NYX: variants seen among roughly 807,000 people sequenced by gnomAD.
NYX encodes the protein nyctalopin.
For synonymous variants in NYX, 258 were observed against 245.7 expected (o/e 1.05, Z -0.47); for missense variants, 481 against 485.4 (o/e 0.99, Z 0.09).
chrX:41,452,662 C>T (rs753905130), intron 2 of NYX, among the ~76,000 whole-genome samples: 12 of 111,347 alleles, frequency 1.1e-4, no homozygotes, highest in Non-Finnish European at 2.1e-4. Context: ...TGGGGCCTTG[C>T]GTTCTTCTCC....
intron 2 of NYX, among the ~76,000 whole-genome samples, chrX:41,469,934 G>C (rs2064353140): frequency 9.0e-6 from 1 of 111,032 alleles, no homozygotes; most frequent in African/African-American, 3.3e-5. Flanking sequence ...TGCTCAAAAT[G>C]AAAGTAATTT....
intron 2 of NYX, among the ~76,000 whole-genome samples, chrX:41,458,307 G>A (rs752510698): frequency 4.5e-5 from 5 of 111,974 alleles, no homozygotes; most frequent in African/African-American, 6.5e-5. Context: ...GGTGTGTGGG[G>A]TGGGAGATAG....
At chrX:41,459,748 ATTC>A (rs2064311420) in intron 2 of NYX, among the ~76,000 whole-genome samples, 2 of 111,537 alleles carry the variant, frequency 1.8e-5, no homozygotes, top group Admixed American at 1.9e-4. Flanking sequence ...GCTGAGTAGT[ATTC>A]TACTGTACAA....
At chrX:41,468,807 T>C (rs924415820) in intron 2 of NYX, among the ~76,000 whole-genome samples, 19 of 111,352 alleles carry the variant, frequency 1.7e-4, no homozygotes, top group Non-Finnish European at 3.8e-5. Flanking sequence ...ATACTTGACC[T>C]AGTTGGAAGG....
At chrX:41,460,719 CAT>C (rs1264956861) in intron 2 of NYX, among the ~76,000 whole-genome samples, 3 of 108,622 alleles carry the variant, frequency 2.8e-5, no homozygotes, top group South Asian at 3.9e-4. Context: ...AGATAATGAA[CAT>C]ATCCATCACC....
In NYX at chrX:41,474,260, G is replaced by A. The variant is rs2064378413; in HGVS notation, c.792G>A (p.Val264=). 3 of 1,204,283 alleles carry A rather than the reference G, an allele frequency of 2.5e-6. No individual in the cohort carries two copies. The highest frequency in any genetic ancestry group is 2.2e-6 in the Non-Finnish European group (2 of 895,003). ...LNLGGNALDR[V]ARAWFADLAE... ...TGGGTGGCAACGCGCTGGACCGCGT[G>A]GCGCGCGCCTGGTTCGCTGACCTGG... The change falls in exon 3 of 3, where the codon GTG becomes GTA. Residue 264 remains valine, a synonymous_variant. Coordinates refer to ENST00000378220, the MANE Select transcript of NYX (RefSeq NM_001378477.3).
In NYX at chrX:41,473,518, G is replaced by T; in HGVS notation, c.50G>T (p.Trp17Leu). 1 of 991,161 alleles carries T rather than the reference G, an allele frequency of 1.0e-6. No homozygotes were observed. The highest frequency in any genetic ancestry group is 1.3e-6 in the Non-Finnish European group (1 of 785,406). 81.7% of individuals were successfully genotyped at this position (991,161 alleles called of 1,213,427 possible). ...GTGGTCCTCGGCCTGCCCAGCGCCT[G>T]GGCCGTGGGGGCCTGCGCCCGCGCT... is the stretch of plus-strand genomic sequence containing the variant. Reference protein sequence around the residue: ...HAVVLGLPSAWAVGACARACP... With the variant: ...HAVVLGLPSALAVGACARACP... Residue 17 changes from tryptophan (W) to leucine (L), a missense_variant, in exon 3 of 3, where the codon TGG (tryptophan) becomes TTG (leucine). Trp to Leu is a moderately conservative substitution (Grantham distance 61). Transcript: ENST00000378220.
chrX:41,453,719 G>A (rs959012005), intron 2 of NYX, among the ~76,000 whole-genome samples: 1 of 112,500 alleles, frequency 8.9e-6, no homozygotes, highest in Non-Finnish European at 1.9e-5. Context: ...GCCTCTCAAA[G>A]TGTTGGGATT....
intron 2 of NYX, among the ~76,000 whole-genome samples, chrX:41,452,245 G>A (rs1256201484): frequency 1.8e-5 from 2 of 111,744 alleles, no homozygotes; most frequent in Admixed American, 1.9e-4. Flanking sequence ...AGTGCTGGGT[G>A]CCCAGCCAGA....
At chrX:41,472,339 T>C (rs2064364354) in intron 2 of NYX, 18 of 1,146,904 alleles carry the variant, frequency 1.6e-5, no homozygotes, top group Non-Finnish European at 2.1e-5. Context: ...TCTGTAGCTG[T>C]GACACATAGA....
intron 2 of NYX, among the ~76,000 whole-genome samples, chrX:41,469,197 G>A (rs1031921380): frequency 9.0e-6 from 1 of 111,358 alleles, no homozygotes; most frequent in Non-Finnish European, 1.9e-5. Context: ...AGCTACAGAG[G>A]TGGCAGCAAG....
Position 41,474,339 on chromosome X carries a change from G to A in NYX, c.871G>A (p.Gly291Ser), listed in dbSNP as rs2064379362. The A allele has an allele frequency of 4.1e-6, 5 of 1,207,423 alleles. No homozygotes were observed. Among genetic ancestry groups the A allele is most frequent in the Non-Finnish European group, 5.6e-6 (5 of 895,231 alleles). Reference sequence around the variant, plus strand: ...CAACAGCATCGCCTTCGTGGAGGAGGGCGCCTTCCAGAACCTCTCGGGTCT... The same window carrying A: ...CAACAGCATCGCCTTCGTGGAGGAGAGCGCCTTCCAGAACCTCTCGGGTCT... ...DRNSIAFVEEGAFQNLSGLLA... is the reference protein window; with the variant it reads ...DRNSIAFVEESAFQNLSGLLA... The change falls in exon 3 of 3, where the codon GGC (glycine) becomes AGC (serine). Residue 291 changes from glycine to serine, a missense_variant. Coordinates refer to ENST00000378220, the MANE Select transcript of NYX (RefSeq NM_001378477.3).
intron 2 of NYX, among the ~76,000 whole-genome samples, chrX:41,449,323 A>G (rs981107929): frequency 8.9e-6 from 1 of 111,894 alleles, no homozygotes; most frequent in Admixed American, 9.6e-5. Flanking sequence ...TGCTCTGTTC[A>G]GTCAACCAAC....
intron 2 of NYX, among the ~76,000 whole-genome samples, chrX:41,463,175 A>T (rs944168886): frequency 1.8e-5 from 2 of 111,298 alleles, no homozygotes; most frequent in Non-Finnish European, 3.8e-5. Flanking sequence ...AGGTGTTGAG[A>T]TTCTTTTTAC....
At chrX:41,471,313 T>C (rs1403530328) in intron 2 of NYX, among the ~76,000 whole-genome samples, 1 of 111,687 alleles carries the variant, frequency 9.0e-6, no homozygotes, top group Non-Finnish European at 1.9e-5. Flanking sequence ...GGTTTCACCA[T>C]GTTGGCCAGG....
chrX:41,456,099 A>G (rs2064297857), intron 2 of NYX, among the ~76,000 whole-genome samples: 1 of 111,567 alleles, frequency 9.0e-6, no homozygotes, highest in African/African-American at 3.3e-5. Flanking sequence ...GCACTTTGGG[A>G]GGCTGAGGAG....
intron 2 of NYX, among the ~76,000 whole-genome samples, chrX:41,450,463 G>C (rs914561386): frequency 3.6e-5 from 4 of 109,865 alleles, no homozygotes; most frequent in Non-Finnish European, 7.6e-5. Context: ...TAGTGATGGG[G>C]TTTCACCATG....
chrX:41,463,271 G>A (rs373960524), intron 2 of NYX, among the ~76,000 whole-genome samples: 11 of 111,799 alleles, frequency 9.8e-5, no homozygotes, highest in African/African-American at 3.6e-4. Flanking sequence ...AGATCCTTAT[G>A]AGAGTACAAT....
Position 41,447,941 on chromosome X carries a change from C to T in NYX, c.22+15C>T, listed in dbSNP as rs754711642. The stretch of plus-strand genomic sequence containing the variant: ...GCTTCTGCATGGTGAGTTCTCCTGC[C>T]GGTGGGTGCAAGGGTTGGGAAGAGG... On this transcript the variant is annotated intron_variant, in intron 2 of 2. Coordinates refer to ENST00000378220, the MANE Select transcript of NYX (RefSeq NM_001378477.3). 1.1e-5 allele frequency: 13 copies of T among 1,204,741 alleles called. No homozygotes were observed. The highest frequency in any genetic ancestry group is 3.5e-5 in the African/African-American group (2 of 56,779).
Sources: allele counts gnomAD v4.1 joint callset (sites outside exome capture counted in the v4.1 genomes callset), GRCh38; gene constraint gnomAD v4.1.1; transcripts MANE v1.5; gene names NCBI Gene and HGNC (gene_info 2026-07-23, HGNC 2026-07-21).